The following ZMYM2 variants were observed in gnomAD, a reference collection of about 807,000 sequenced individuals.
ZMYM2 encodes the protein zinc finger MYM-type protein 2.
In ZMYM2, 56 loss-of-function variants were observed where a neutral mutation model predicts 162.8. The ratio of observed to expected loss-of-function variants is 0.34; its 90% CI spans 0.28 to 0.43. ZMYM2 has a LOEUF of 0.43. ZMYM2 is among the 20% of genes least tolerant of loss of function. The pLI is 1.00. For missense variants in ZMYM2, 1,275 were observed against 1,621.8 expected (o/e 0.79, Z 3.67); for synonymous variants, 510 against 541.6 (o/e 0.94, Z 0.81).
chr13:20,031,817 C>T (rs9579772), intron 10 of ZMYM2, among the ~76,000 whole-genome samples: 15,471 of 150,594 alleles, frequency 0.1, 1,290 homozygotes, highest in African/African-American at 0.22. Flanking sequence ...TAGAATGTAT[C>T]AGTCATATAC....
intron 12 of ZMYM2, among the ~76,000 whole-genome samples, chr13:20,043,161 T>C (rs1373561252): frequency 1.3e-5 from 2 of 152,210 alleles, no homozygotes; most frequent in East Asian, 3.9e-4. Context: ...CTGTGTGCTT[T>C]AACTCCGGGG....
In ZMYM2 at chr13:20,064,548, A is replaced by G. The variant is rs1324497084; in HGVS notation, c.3132+3A>G. Reference sequence around the variant, plus strand: ...CCAGACCTCGATCTAAAAAAAAGGTACATTCACTTAATAGCCTATATAACA... The same window carrying G: ...CCAGACCTCGATCTAAAAAAAAGGTGCATTCACTTAATAGCCTATATAACA... On this transcript the variant is annotated splice_donor_region_variant and intron_variant, in intron 19 of 24. Transcript: ENST00000610343. 12 of 1,568,316 alleles carry G rather than the reference A, an allele frequency of 7.7e-6. No individual in the cohort carries two copies. Among genetic ancestry groups the G allele is most frequent in the South Asian group, 1.2e-5 (1 of 84,658 alleles).
At chr13:19,954,505 T>C (rs1954476174), upstream of ZMYM2, among the ~76,000 whole-genome samples, 1 of 152,068 alleles carries the variant, frequency 6.6e-6, no homozygotes, top group Non-Finnish European at 1.5e-5. Flanking sequence ...ATGAGGTGGT[T>C]AATAGCATGG....
At chr13:19,971,810 T>C (rs1273106901) in intron 2 of ZMYM2, among the ~76,000 whole-genome samples, 1 of 151,734 alleles carries the variant, frequency 6.6e-6, no homozygotes, top group Non-Finnish European at 1.5e-5. Context: ...TCACTAGACA[T>C]AAAACATCGT....
intron 14 of ZMYM2, among the ~76,000 whole-genome samples, chr13:20,056,601 G>A (rs904809785): frequency 2.6e-5 from 4 of 152,104 alleles, no homozygotes; most frequent in Admixed American, 1.3e-4. Context: ...TGATTATGGC[G>A]ACACAACCTG....
At chr13:19,912,626 G>A in the ZMYM2 span, among the ~76,000 whole-genome samples, 21 of 152,236 alleles carry the variant, frequency 1.4e-4, no homozygotes, top group East Asian at 3.9e-3. Flanking sequence ...GAGCCACTGA[G>A]CCTGGCCCAT....
intron 2 of ZMYM2, among the ~76,000 whole-genome samples, chr13:19,966,120 T>TTTTTTG (rs1408751845): frequency 1.4e-5 from 2 of 147,850 alleles, no homozygotes; most frequent in Admixed American, 6.7e-5. Flanking sequence ...GCTTGTTTTT[T>TTTTTTG]TTTTTGTTTT....
Position 20,027,232 on chromosome 13 carries a change from C to T in ZMYM2, c.1765C>T (p.Arg589Ter), listed in dbSNP as rs1952668177. The stretch of plus-strand genomic sequence containing the variant: ...GGGAATTATTTGCCATTTTTGTAAG[C>T]GAAACTCTTTACCTCAATACCAAGC... ...SLGIICHFCK[R>*]NSLPQYQATM... Residue 589 changes from arginine to a stop codon, truncating the protein, a stop_gained, in exon 9 of 25, where the codon CGA (arginine) becomes TGA (stop). Transcript: ENST00000610343. LOFTEE classifies it high-confidence loss of function. 6.3e-7 allele frequency: 1 copy of T among 1,580,750 alleles called. No homozygotes were observed. The highest frequency in any genetic ancestry group is 8.6e-7 in the Non-Finnish European group (1 of 1,161,666).
intron 8 of ZMYM2, among the ~76,000 whole-genome samples, chr13:20,026,995 T>TTTTTC (rs2140258393): frequency 1.3e-5 from 2 of 152,240 alleles, no homozygotes; most frequent in South Asian, 4.1e-4. Context: ...AAAACTGAGT[T>TTTTTC]TTTTCTCTAT....
At chr13:20,042,343 A>G (rs964169567) in intron 12 of ZMYM2, among the ~76,000 whole-genome samples, 7 of 151,808 alleles carry the variant, frequency 4.6e-5, no homozygotes, top group Middle Eastern at 6.8e-3. Flanking sequence ...CGCTTGGTCT[A>G]TTTTGCTATT....
chr13:19,976,582 G>A (rs1956815546), intron 2 of ZMYM2, among the ~76,000 whole-genome samples: 2 of 151,830 alleles, frequency 1.3e-5, no homozygotes, highest in African/African-American at 4.8e-5. Context: ...CTCTTCCTCC[G>A]GCCCCTGGTA....
At chr13:19,987,577 G>GTGTGTA (rs1949268476) in intron 2 of ZMYM2, among the ~76,000 whole-genome samples, 1 of 148,482 alleles carries the variant, frequency 6.7e-6, no homozygotes, top group African/African-American at 2.5e-5. Flanking sequence ...CGCTACGTGT[G>GTGTGTA]TGTGTGTGTG....
intron 2 of ZMYM2, among the ~76,000 whole-genome samples, chr13:19,991,627 T>TC (rs1054909422): frequency 4.0e-5 from 6 of 149,302 alleles, no homozygotes; most frequent in African/African-American, 9.9e-5. Context: ...TCTTTTTCTT[T>TC]TTTTTTTTTT....
intron 6 of ZMYM2, among the ~76,000 whole-genome samples, chr13:20,018,284 T>A (rs552482971): frequency 4.0e-4 from 61 of 152,354 alleles, no homozygotes; most frequent in African/African-American, 1.4e-3. Flanking sequence ...TTCTTTAAAA[T>A]TACTTGCATG....
rs775068884 is a variant in ZMYM2 at position 20,003,004 on chromosome 13, C to T, written c.1002C>T (p.Cys334=). The change falls in exon 4 of 25, where the codon TGC becomes TGT. Residue 334 remains cysteine (C), a synonymous_variant. Transcript: ENST00000610343. ...CAGTTAAAGTCACTTGTGCAAACTG[C>T]AAAAAACCTTTACAGAAGGGCCAGA... ...TKPVKVTCAN[C]KKPLQKGQTA... The T allele has an allele frequency of 6.2e-7, 1 of 1,614,104 alleles. No individual in the cohort carries two copies. The highest frequency in any genetic ancestry group is 8.5e-7 in the Non-Finnish European group (1 of 1,180,012).
chr13:19,911,304 T>TG, the ZMYM2 span, among the ~76,000 whole-genome samples: 9 of 151,956 alleles, frequency 5.9e-5, no homozygotes, highest in Admixed American at 2.0e-4. Flanking sequence ...AGTGATCCAC[T>TG]GGCCTCAGCC....
chr13:19,992,954 C>T, intron 2 of ZMYM2, 109 bp from the exon 3 acceptor site: 1 of 1,211,958 alleles, frequency 8.3e-7, no homozygotes, highest in South Asian at 1.8e-5. Context: ...AGAATCACTT[C>T]ATTTAGAATA....
intron 4 of ZMYM2, among the ~76,000 whole-genome samples, chr13:20,004,568 C>A (rs941100430): frequency 1.3e-5 from 2 of 152,168 alleles, no homozygotes; most frequent in Admixed American, 6.5e-5. Context: ...TTGTCATTTT[C>A]TAATATTTCT....
intron 10 of ZMYM2, among the ~76,000 whole-genome samples, chr13:20,033,030 C>G (rs557319638): frequency 6.6e-6 from 1 of 152,114 alleles, no homozygotes; most frequent in South Asian, 2.1e-4. Context: ...TTAAACCAAT[C>G]CCTATTTGAG....
Sources: gnomAD v4.1 joint callset for allele counts (sites outside exome capture counted in the v4.1 genomes callset) on GRCh38, gnomAD v4.1.1 for gene constraint, MANE v1.5 for transcripts, NCBI Gene and HGNC (gene_info 2026-07-23, HGNC 2026-07-21) for gene names.